The following CPNE2 variants were observed in gnomAD, a reference collection of about 807,000 sequenced individuals.
The protein encoded by CPNE2 is copine-2.
Under a neutral mutation model 69.7 loss-of-function variants are expected in CPNE2, and 42 were observed. That is an observed-to-expected ratio of 0.60 (90% CI 0.47 to 0.78). CPNE2 has a LOEUF of 0.78. Among genes scored for constraint, CPNE2 ranks in the 30% least tolerant of loss-of-function variants. The pLI, the probability that CPNE2 is intolerant of heterozygous loss-of-function variation, is 0.00. For synonymous variants in CPNE2, 294 were observed against 289.8 expected (o/e 1.01, Z -0.15); for missense variants, 587 against 732.0 (o/e 0.80, Z 2.29).
chr16:57,093,821 C>T, intron 1 of CPNE2: 2 of 328,402 alleles, frequency 6.1e-6, no homozygotes, highest in South Asian at 2.2e-5. Context: ...CACAGCTTCA[C>T]GGACTGCAGG....
rs2069968365 is a variant in CPNE2, at chr16:57,147,582, TG to T, written c.1573del (p.Ala525ArgfsTer139). ...AAAGAGACCTTGGCCAAAGCTGTGC[TG>T]GCGGAGCTGCCCCAACAAGTTGTGC... ...AAKETLAKAV[L>X]AELPQQVVQY... On this transcript the variant is annotated frameshift_variant, in exon 16 of 16. Transcript: ENST00000290776. LOFTEE classifies it high-confidence loss of function. 1 of 1,608,850 alleles carries T rather than the reference TG, an allele frequency of 6.2e-7. No individual in the cohort carries two copies. The highest frequency in any genetic ancestry group is 8.5e-7 in the Non-Finnish European group (1 of 1,176,346).
At chr16:57,140,604 G>A (rs916392453) in intron 14 of CPNE2, among the ~76,000 whole-genome samples, 3 of 151,824 alleles carry the variant, frequency 2.0e-5, no homozygotes, top group African/African-American at 4.8e-5. Context: ...TCATTCTGTT[G>A]CCCAGGCTGA....
chr16:57,114,907 A>G (rs76142824), intron 3 of CPNE2, among the ~76,000 whole-genome samples: 45,838 of 141,122 alleles, frequency 0.32, 7,610 homozygotes, highest in Middle Eastern at 0.44. Flanking sequence ...GACCAGCCTG[A>G]GCAACATAAT....
intron 14 of CPNE2, chr16:57,144,095 G>A (rs774495582): frequency 6.6e-6 from 1 of 152,336 alleles, no homozygotes; most frequent in Non-Finnish European, 1.5e-5. Context: ...AGGAACAGTG[G>A]TGGGCTGTCA....
In CPNE2 at chr16:57,123,550, C is replaced by A. The variant is rs1280751584; in HGVS notation, c.927+77C>A. 4.1e-6 allele frequency: 6 copies of A among 1,467,358 alleles called. No homozygotes were observed. The African/African-American group carries it at 6.9e-5, about 17-fold the overall frequency. 90.9% of individuals were successfully genotyped at this position (1,467,358 alleles called of 1,614,324 possible). On this transcript the variant is annotated intron_variant, in intron 10 of 15. Transcript: ENST00000290776. ...TCCCTGAAGACTTGGGCCACTAGTG[C>A]AGCCAGAGGGACTTAGGGTAGACTT...
chr16:57,115,598 C>T, intron 4 of CPNE2, 48 bp downstream of exon 4: 2 of 1,357,756 alleles, frequency 1.5e-6, no homozygotes, highest in African/African-American at 1.5e-5. Context: ...CCCCACCCCA[C>T]ACCCTCCCCC....
rs1460841311 is a variant in CPNE2, at chr16:57,123,448, T to A, written c.902T>A (p.Leu301Gln). The change falls in exon 10 of 16, where the codon CTG (leucine) becomes CAG (glutamine). Residue 301 changes from leucine to glutamine, a missense_variant. Transcript: ENST00000290776. ...GACTACTCCTTCCTTGACTACATCC[T>A]GGGAGGCTGCCAGCTCATGTTCACC... ...NRDYSFLDYI[L>Q]GGCQLMFTVG... is the part of the protein sequence containing the mutation. 1 of 1,613,358 alleles carries A rather than the reference T, an allele frequency of 6.2e-7. No individual in the cohort carries two copies. Among genetic ancestry groups the A allele is most frequent in the Non-Finnish European group, 8.5e-7 (1 of 1,180,030 alleles).
rs770041819 is a variant in CPNE2, at chr16:57,121,109, A to C, written c.698A>C (p.Tyr233Ser). The C allele has an allele frequency of 2.5e-6, 4 of 1,613,738 alleles. No homozygotes were observed. In the East Asian group the frequency reaches 8.9e-5, roughly 36 times the overall value. The change falls in exon 8 of 16, where the codon TAT (tyrosine) becomes TCT (serine). Residue 233 changes from tyrosine to serine, a missense_variant. Tyr to Ser is a moderately radical substitution (Grantham distance 144). Around this residue, in one of 5 missense-constraint regions of CPNE2, gnomAD observed 269 missense variants for 300.5 expected, o/e 0.90. Transcript: ENST00000290776. ...EKPIQVMCYD[Y>S]DNDGGHDFIG... ...CCACCCCAGGTCATGTGCTACGACT[A>C]TGACAATGACGGGGGCCATGACTTC...
At chr16:57,093,106 T>C (rs910683083) in intron 1 of CPNE2, among the ~76,000 whole-genome samples, 1 of 151,250 alleles carries the variant, frequency 6.6e-6, no homozygotes, top group Non-Finnish European at 1.5e-5. Flanking sequence ...CCGAGGGGCT[T>C]GGAGGGCGTA....
intron 14 of CPNE2, among the ~76,000 whole-genome samples, chr16:57,138,699 C>T (rs2069900838): frequency 6.6e-6 from 1 of 152,164 alleles, no homozygotes; most frequent in South Asian, 2.1e-4. Context: ...CCTGGCTGAC[C>T]CTGATGATGG....
intron 12 of CPNE2, among the ~76,000 whole-genome samples, chr16:57,132,894 C>T (rs1567671834): frequency 6.6e-6 from 1 of 152,082 alleles, no homozygotes; most frequent in South Asian, 2.1e-4. Flanking sequence ...TCCACAGCCC[C>T]CCTGACCGCA....
chr16:57,129,100 A>G (rs1208552559), intron 12 of CPNE2: 1 of 153,170 alleles, frequency 6.5e-6, no homozygotes, highest in African/African-American at 2.4e-5. Flanking sequence ...CCTTCAGGGC[A>G]GAGAACAGAC....
chr16:57,137,136 T>C lies in CPNE2; in HGVS notation c.1169-13T>C. 6.2e-7 allele frequency: 1 copy of C among 1,613,208 alleles called. No homozygotes were observed. Among genetic ancestry groups the C allele is most frequent in the Non-Finnish European group, 8.5e-7 (1 of 1,179,286 alleles). ...GGGAGACCTGGCTGATCCAGACTCT[T>C]CTCCCGAGGCAGGTGTGGATGGTAT... On this transcript the variant is annotated splice_polypyrimidine_tract_variant and intron_variant, in intron 13 of 15. Coordinates refer to ENST00000290776, the MANE Select transcript of CPNE2 (RefSeq NM_152727.6).
At chr16:57,113,932 CT>C (rs2069699180) in intron 3 of CPNE2, among the ~76,000 whole-genome samples, 1 of 152,252 alleles carries the variant, frequency 6.6e-6, no homozygotes, top group Non-Finnish European at 1.5e-5. Flanking sequence ...TCAATCATTC[CT>C]TATGGCTGTA....
intron 12 of CPNE2, among the ~76,000 whole-genome samples, chr16:57,131,384 G>A (rs747166802): frequency 5.3e-5 from 8 of 152,202 alleles, no homozygotes; most frequent in Non-Finnish European, 1.2e-4. Context: ...CAAGGGCCAG[G>A]GCAGGAGATG....
chr16:57,114,934 C>CCAAAAAA (rs1555546226), intron 3 of CPNE2, among the ~76,000 whole-genome samples: 11 of 39,066 alleles, frequency 2.8e-4, no homozygotes, highest in Admixed American at 3.4e-4. Flanking sequence ...TTGTCTCTAC[C>CCAAAAAA]AAAAAAAAAA....
rs566778640 is a variant in CPNE2 at position 57,127,921 on chromosome 16, T to A, written c.1116+18T>A. 190 of 1,613,784 alleles carry A rather than the reference T, an allele frequency of 1.2e-4. No individual in the cohort carries two copies. The South Asian group carries it at 2.0e-3, about 17-fold the overall frequency. ...ACTGGAAGGTGAGTGAAACCGGAGT[T>A]AGTTTCCTTTTGGTTGAGATGGGGT... On this transcript the variant is annotated intron_variant, in intron 12 of 15. Coordinates refer to ENST00000290776, the MANE Select transcript of CPNE2 (RefSeq NM_152727.6).
chr16:57,117,149 A>T (rs977272263), intron 4 of CPNE2, among the ~76,000 whole-genome samples: 2 of 152,040 alleles, frequency 1.3e-5, no homozygotes, highest in African/African-American at 4.8e-5. Context: ...CCGCAGGGGC[A>T]GGAGAAGGCC....
intron 1 of CPNE2, among the ~76,000 whole-genome samples, chr16:57,093,184 G>T (rs1185652583): frequency 1.3e-5 from 2 of 152,226 alleles, no homozygotes; most frequent in Non-Finnish European, 2.9e-5. Flanking sequence ...CTCGGCGGGC[G>T]CTGGCTCCTC....
Sources: gnomAD v4.1 joint callset for allele counts (sites outside exome capture counted in the v4.1 genomes callset) on GRCh38, gnomAD v4.1.1 for gene constraint, gnomAD v4.1.1 regional missense constraint, MANE v1.5 for transcripts, NCBI Gene and HGNC (gene_info 2026-07-23, HGNC 2026-07-21) for gene names.